The following GRIP1 variants were observed in gnomAD, a reference collection of about 807,000 sequenced individuals.
GRIP1 encodes glutamate receptor-interacting protein 1.
Under a neutral mutation model 129.9 loss-of-function variants are expected in GRIP1, and 45 were observed. The observed-to-expected ratio is 0.35, with a 90% confidence interval of 0.27 to 0.44. The LOEUF is 0.44. GRIP1 is among the 20% of genes least tolerant of loss of function. The pLI is 1.00. For synonymous variants in GRIP1, 530 were observed against 520.8 expected, an observed-to-expected ratio of 1.02 and a Z score of -0.24; for missense variants, 1,196 against 1,396.8, an observed-to-expected ratio of 0.86 and a Z score of 2.29.
At chr12:66,683,832 T>C (rs2034678380), upstream of GRIP1, among the ~76,000 whole-genome samples, 1 of 152,120 alleles carries the variant, frequency 6.6e-6, no homozygotes, top group African/African-American at 2.4e-5. Context: ...TATGTAGAAA[T>C]TGAGAAATGC....
At chr12:66,891,270 C>T (rs1289953241) in intron 1 of GRIP1, among the ~76,000 whole-genome samples, 1 of 152,190 alleles carries the variant, frequency 6.6e-6, no homozygotes, top group Non-Finnish European at 1.5e-5. Flanking sequence ...CATAGCCTTA[C>T]TATGAAATAT....
At chr12:66,640,128 T>G (rs1210441347) in intron 1 of GRIP1, among the ~76,000 whole-genome samples, 1 of 152,196 alleles carries the variant, frequency 6.6e-6, no homozygotes, top group African/African-American at 2.4e-5. Flanking sequence ...CTTGTTCTCT[T>G]GGTCCCAAAG....
At chr12:67,049,192 A>C (rs949926532) in intron 1 of GRIP1, among the ~76,000 whole-genome samples, 4 of 152,158 alleles carry the variant, frequency 2.6e-5, no homozygotes, top group Admixed American at 2.0e-4. Context: ...TTTTTACTTA[A>C]TTCTGTTTCA....
chr12:66,547,198 T>G (rs1369826527), intron 2 of GRIP1, among the ~76,000 whole-genome samples: 1 of 152,120 alleles, frequency 6.6e-6, no homozygotes, highest in Non-Finnish European at 1.5e-5. Flanking sequence ...ATGGCTCAAA[T>G]TACTTAAAAA....
intron 2 of GRIP1, among the ~76,000 whole-genome samples, chr12:66,554,238 G>T (rs946845327): frequency 2.0e-5 from 3 of 152,148 alleles, no homozygotes; most frequent in Non-Finnish European, 4.4e-5. Flanking sequence ...GTCAGAGAGG[G>T]CACCACACAA....
chr12:66,852,903 T>C (rs1021428960), intron 1 of GRIP1, among the ~76,000 whole-genome samples: 1 of 151,928 alleles, frequency 6.6e-6, no homozygotes, highest in African/African-American at 2.4e-5. Context: ...ATTAGTGCTA[T>C]CAGCATATAT....
At chr12:66,504,097 C>T (rs576634729) in intron 7 of GRIP1, among the ~76,000 whole-genome samples, 1 of 152,232 alleles carries the variant, frequency 6.6e-6, no homozygotes, top group Admixed American at 6.5e-5. Context: ...AGAACATCCC[C>T]ATCAAGAGGG....
intron 1 of GRIP1, among the ~76,000 whole-genome samples, chr12:66,721,273 A>G (rs7961198): frequency 0.027 from 4,118 of 152,110 alleles, 212 homozygotes; most frequent in African/African-American, 0.095. Context: ...TAGATTTAGC[A>G]TAATTCTTTC....
chr12:66,643,946 T>C (rs959675921), intron 1 of GRIP1, among the ~76,000 whole-genome samples: 1 of 152,186 alleles, frequency 6.6e-6, no homozygotes, highest in African/African-American at 2.4e-5. Flanking sequence ...GATAAAGACA[T>C]ACCAGAGACT....
At chr12:66,349,370 G>T (rs898010378) in intron 24 of GRIP1, 124 bp from the exon 25 acceptor site, 3 of 749,052 alleles carry the variant, frequency 4.0e-6, no homozygotes, top group Middle Eastern at 2.4e-4. Flanking sequence ...GCGCCATGAG[G>T]TCTATCCTTG....
chr12:66,597,015 GAGA>G, intron 1 of GRIP1, 88 bp from the exon 2 acceptor site: 2 of 892,562 alleles, frequency 2.2e-6, no homozygotes, highest in South Asian at 2.6e-5. Flanking sequence ...CCTTCTGCGA[GAGA>G]GAAGTGGTAC....
chr12:66,785,458 G>A (rs1028314929), intron 1 of GRIP1, among the ~76,000 whole-genome samples: 3 of 150,838 alleles, frequency 2.0e-5, no homozygotes, highest in African/African-American at 7.3e-5. Context: ...GCTGTGGTGA[G>A]CTCTGATTGT....
intron 1 of GRIP1, among the ~76,000 whole-genome samples, chr12:66,764,326 T>A (rs1323112574): frequency 6.6e-6 from 1 of 152,188 alleles, no homozygotes; most frequent in African/African-American, 2.4e-5. Context: ...TAATTAATAG[T>A]CTTAATGTGG....
intron 1 of GRIP1, among the ~76,000 whole-genome samples, chr12:66,920,135 A>C (rs2041189269): frequency 6.6e-6 from 1 of 152,192 alleles, no homozygotes; most frequent in African/African-American, 2.4e-5. Context: ...GAGATTATCA[A>C]GAATTAGTAT....
intron 1 of GRIP1, among the ~76,000 whole-genome samples, chr12:66,821,128 T>C (rs1275766525): frequency 2.6e-5 from 4 of 152,232 alleles, no homozygotes; most frequent in Admixed American, 2.6e-4. Flanking sequence ...ATGGGAACTC[T>C]GTGCTTTCTG....
intron 1 of GRIP1, among the ~76,000 whole-genome samples, chr12:67,034,212 C>T (rs1453293815): frequency 1.3e-5 from 2 of 152,186 alleles, no homozygotes; most frequent in Non-Finnish European, 2.9e-5. Flanking sequence ...GGGCACATGT[C>T]AATCTTAAAG....
At chr12:66,706,373 C>G (rs1329113188) in intron 1 of GRIP1, among the ~76,000 whole-genome samples, 1 of 151,680 alleles carries the variant, frequency 6.6e-6, no homozygotes, top group Non-Finnish European at 1.5e-5. Flanking sequence ...ACAATAGATG[C>G]TGGTGAGGCT....
At chr12:66,658,795 G>A (rs2033324287) in intron 1 of GRIP1, among the ~76,000 whole-genome samples, 1 of 151,700 alleles carries the variant, frequency 6.6e-6, no homozygotes, top group African/African-American at 2.4e-5. Context: ...GTGGTGGCAT[G>A]CACCTGTGTT....
intron 1 of GRIP1, among the ~76,000 whole-genome samples, chr12:66,844,608 A>G (rs1438142094): frequency 1.3e-5 from 2 of 152,234 alleles, no homozygotes; most frequent in Non-Finnish European, 2.9e-5. Flanking sequence ...TTCTGGGTAT[A>G]TGCTGAAAAC....
Sources: allele counts gnomAD v4.1 joint callset (sites outside exome capture counted in the v4.1 genomes callset), GRCh38; gene constraint gnomAD v4.1.1; transcripts MANE v1.5; gene names NCBI Gene and HGNC (gene_info 2026-07-23, HGNC 2026-07-21).